Variants in CHN2 observed in about 807,000 individuals in gnomAD.
CHN2 encodes beta-chimaerin.
Under a neutral mutation model 56.3 loss-of-function variants are expected in CHN2, and 35 were observed. The ratio of observed to expected loss-of-function variants is 0.62; its 90% CI spans 0.47 to 0.82. The LOEUF (loss-of-function observed/expected upper bound fraction) is 0.82, where lower values mean the gene tolerates loss of function less well. Ranked by LOEUF, CHN2 falls within the 40% of genes least tolerant of loss-of-function variation. CHN2 has a pLI of 0.00. For missense variants in CHN2, 491 were observed against 580.5 expected (o/e 0.85, Z 1.58); for synonymous variants, 210 against 212.8 (o/e 0.99, Z 0.12).
intron 1 of CHN2, among the ~76,000 whole-genome samples, chr7:29,352,765 A>G (rs998350516): frequency 4.6e-5 from 7 of 151,658 alleles, no homozygotes; most frequent in Non-Finnish European, 5.9e-5. Flanking sequence ...AAAAACAAAA[A>G]CGTCAGAAAT....
chr7:29,211,448 T>G (rs895900997), intron 1 of CHN2, among the ~76,000 whole-genome samples: 3 of 105,732 alleles, frequency 2.8e-5, no homozygotes, highest in African/African-American at 8.3e-5. Flanking sequence ...TGCTGCATGT[T>G]GGCACACACA....
chr7:29,504,707 A>G, intron 9 of CHN2, 37 bp from the exon 10 acceptor site: 1 of 1,366,450 alleles, frequency 7.3e-7, no homozygotes, highest in Non-Finnish European at 1.0e-6. Flanking sequence ...AGATGTTTCA[A>G]GAAGCTAAAG....
At chr7:29,289,757 C>G (rs549859944) in intron 1 of CHN2, among the ~76,000 whole-genome samples, 1 of 152,154 alleles carries the variant, frequency 6.6e-6, no homozygotes, top group Admixed American at 6.5e-5. Context: ...CTATCAACGC[C>G]GCACTGTTTT....
chr7:29,159,961 C>A (rs1562800491), intron 2 of CHN2, among the ~76,000 whole-genome samples: 1 of 152,170 alleles, frequency 6.6e-6, no homozygotes, highest in Non-Finnish European at 1.5e-5. Context: ...CCCATGGGTG[C>A]ACGTCATTTT....
Position 29,277,936 on chromosome 7 carries a change from G to C in CHN2, c.50-76689G>C, listed in dbSNP as rs982578541. 2.8e-4 allele frequency among the ~76,000 whole-genome samples: 43 copies of C among 152,188 alleles called. 1 individual carries two copies. The highest frequency in any genetic ancestry group is 1.5e-5 in the Non-Finnish European group (1 of 68,040). ...TCAATGACCTTGTAAGTTAGGTGTT[G>C]TTATTATCCCCATTTTACAGGCGGA... On this transcript the variant is annotated intron_variant, in intron 1 of 12. Coordinates refer to ENST00000222792, the MANE Select transcript of CHN2 (RefSeq NM_004067.4).
intron 6 of CHN2, among the ~76,000 whole-genome samples, chr7:29,405,160 A>T (rs945342306): frequency 1.2e-4 from 8 of 69,256 alleles, no homozygotes; most frequent in Non-Finnish European, 2.3e-4. Context: ...TGCTTATGTC[A>T]CCATACACAC....
intron 1 of CHN2, among the ~76,000 whole-genome samples, chr7:29,266,229 G>A (rs1176480402): frequency 6.6e-6 from 1 of 152,174 alleles, no homozygotes; most frequent in Non-Finnish European, 1.5e-5. Context: ...AGAGGGCCTG[G>A]TCCAGAGTAT....
Position 29,458,090 on chromosome 7 carries a change from C to G in CHN2, c.577-22189C>G, listed in dbSNP as rs79294838. Among the ~76,000 whole-genome samples, 830 of 152,258 alleles carry G rather than the reference C, an allele frequency of 5.5e-3. 10 individuals carry two copies. Among genetic ancestry groups the G allele is most frequent in the African/African-American group, 0.019 (771 of 41,542 alleles). On this transcript the variant is annotated intron_variant, in intron 6 of 12. Coordinates refer to ENST00000222792, the MANE Select transcript of CHN2 (RefSeq NM_004067.4). ...TTGTTAACTTTTTAACTCCATGCCCCTGTTATTGTATGTCACAAAAGACAG... is the reference window on the plus strand; with the variant it reads ...TTGTTAACTTTTTAACTCCATGCCCGTGTTATTGTATGTCACAAAAGACAG...
At chr7:29,190,530 A>AT (rs1380890565), upstream of CHN2, among the ~76,000 whole-genome samples, 1 of 152,176 alleles carries the variant, frequency 6.6e-6, no homozygotes, top group Non-Finnish European at 1.5e-5. Context: ...AAATAAACAA[A>AT]TTACACCACC....
chr7:29,351,000 C>G (rs538433726), intron 1 of CHN2, among the ~76,000 whole-genome samples: 2 of 150,436 alleles, frequency 1.3e-5, no homozygotes, highest in South Asian at 2.1e-4. Flanking sequence ...CCCAGCTGCT[C>G]GAGAGACTGA....
chr7:29,326,325 T>A (rs540482691), intron 1 of CHN2, among the ~76,000 whole-genome samples: 1 of 152,190 alleles, frequency 6.6e-6, no homozygotes, highest in East Asian at 1.9e-4. Context: ...GCCCAGCTAA[T>A]TTTTGTATTT....
At chr7:29,384,612 G>C (rs1800782844) in intron 3 of CHN2, among the ~76,000 whole-genome samples, 1 of 152,154 alleles carries the variant, frequency 6.6e-6, no homozygotes, top group Admixed American at 6.5e-5. Flanking sequence ...CACGAGTCAT[G>C]GGTATTTGTA....
At chr7:29,425,764 C>A (rs1804800452) in intron 6 of CHN2, among the ~76,000 whole-genome samples, 1 of 152,016 alleles carries the variant, frequency 6.6e-6, no homozygotes, top group East Asian at 1.9e-4. Context: ...ATATAATTTA[C>A]TTTCAAATAC....
chr7:29,370,006 C>G (rs567952495), intron 3 of CHN2, among the ~76,000 whole-genome samples: 3 of 152,190 alleles, frequency 2.0e-5, no homozygotes, highest in Non-Finnish European at 4.4e-5. Context: ...CATCAGCTCC[C>G]TTTCCTCAGC....
chr7:29,288,024 C>G (rs1250613193), intron 1 of CHN2, among the ~76,000 whole-genome samples: 1 of 151,940 alleles, frequency 6.6e-6, no homozygotes, highest in Admixed American at 6.6e-5. Context: ...TCCTTTATTT[C>G]CAATTCATGC....
At chr7:29,380,321 C>T (rs1585210470) in intron 3 of CHN2, among the ~76,000 whole-genome samples, 1 of 151,936 alleles carries the variant, frequency 6.6e-6, no homozygotes, top group Admixed American at 6.5e-5. Context: ...ATGTATAAAG[C>T]ACAAATACCT....
chr7:29,232,718 G>A (rs924200757), intron 1 of CHN2, among the ~76,000 whole-genome samples: 3 of 152,098 alleles, frequency 2.0e-5, no homozygotes, highest in Non-Finnish European at 4.4e-5. Context: ...GTATCCCATC[G>A]GTGTGCACTC....
At chr7:29,419,024 A>G (rs17157935) in intron 6 of CHN2, among the ~76,000 whole-genome samples, 1,917 of 152,296 alleles carry the variant, frequency 0.013, 44 homozygotes, top group African/African-American at 0.044. Context: ...GCGTACCAGT[A>G]TGCAGTGGGC....
intron 6 of CHN2, among the ~76,000 whole-genome samples, chr7:29,448,873 C>A (rs951103045): frequency 6.6e-6 from 1 of 152,208 alleles, no homozygotes; most frequent in Non-Finnish European, 1.5e-5. Context: ...TTATCCCCAA[C>A]CAGACTGTAA....
Sources: allele counts gnomAD v4.1 joint callset (sites outside exome capture counted in the v4.1 genomes callset), GRCh38; gene constraint gnomAD v4.1.1; transcripts MANE v1.5; gene names NCBI Gene and HGNC (gene_info 2026-07-23, HGNC 2026-07-21).